Variants in SF3B1 observed in about 807,000 individuals in gnomAD.
The protein encoded by SF3B1 is splicing factor 3b subunit 1.
A neutral mutation model predicts 153.8 loss-of-function variants in SF3B1; 12 were observed. The observed-to-expected ratio is 0.08, with a 90% CI of 0.05 to 0.13. SF3B1 has a LOEUF of 0.13. SF3B1 is among the 10% of genes least tolerant of loss of function. The pLI is 1.00. For synonymous variants in SF3B1, 498 were observed against 525.2 expected, an observed-to-expected ratio of 0.95 and a Z score of 0.71; for missense variants, 513 against 1,606.1, an observed-to-expected ratio of 0.32 and a Z score of 11.63.
chr2:197,401,125 A>T lies in SF3B1; in HGVS notation c.2497-189T>A, dbSNP rs1049290096. On this transcript the variant is annotated intron_variant, in intron 17 of 24. Transcript: ENST00000335508. The surrounding 1 kb of genome is among the most constrained non-coding windows in gnomAD (Gnocchi z 4.2). ...CATCGAAAAATGAGTATAAGTTAAC[A>T]TGATTCAAGGTAAAACTGTGTCCAT... Among the ~76,000 whole-genome samples, 1 of 152,226 alleles carries T rather than the reference A, an allele frequency of 6.6e-6. No homozygotes were observed. The highest frequency in any genetic ancestry group is 2.1e-4 in the South Asian group (1 of 4,832).
intron 2 of SF3B1, among the ~76,000 whole-genome samples, chr2:197,422,591 TA>T (rs555057152): frequency 3.0e-4 from 45 of 150,278 alleles, no homozygotes; most frequent in Non-Finnish European, 4.7e-4. Context: ...ATCCAAAAAT[TA>T]AAAAAAAATA....
intron 2 of SF3B1, among the ~76,000 whole-genome samples, chr2:197,421,372 G>A (rs2085239569): frequency 1.3e-5 from 2 of 151,998 alleles, no homozygotes; most frequent in African/African-American, 2.4e-5. Context: ...TTCTATAGAC[G>A]TCAATTAAGA....
At position 197,420,556 on chromosome 2, in the gene SF3B1, T is replaced by A; in HGVS notation, c.301-14A>T. On this transcript the variant is annotated splice_polypyrimidine_tract_variant and intron_variant, in intron 3 of 24. Coordinates refer to ENST00000335508, the MANE Select transcript of SF3B1 (RefSeq NM_012433.4). ...AAATGGATCATACTGAAAAGAGGTA[T>A]GTCTCACTTAATATCCACTTTATTA... 1 of 1,511,750 alleles carries A rather than the reference T, an allele frequency of 6.6e-7. No individual in the cohort carries two copies. The highest frequency in any genetic ancestry group is 1.2e-5 in the South Asian group (1 of 83,774). The allele number at this position is 1,511,750 out of a possible 1,614,324, so 93.6% of individuals were successfully genotyped here.
intron 6 of SF3B1, among the ~76,000 whole-genome samples, chr2:197,414,701 A>G (rs1470861848): frequency 6.6e-6 from 1 of 152,198 alleles, no homozygotes; most frequent in Non-Finnish European, 1.5e-5. Context: ...GTAAGCAGGG[A>G]AAGCAAGTAC....
intron 1 of SF3B1, among the ~76,000 whole-genome samples, chr2:197,431,997 C>T (rs554104066): frequency 4.6e-5 from 7 of 152,170 alleles, no homozygotes; most frequent in South Asian, 2.1e-4. Flanking sequence ...TGGTAGCACA[C>T]GCCTGTAGTT....
intron 9 of SF3B1, among the ~76,000 whole-genome samples, chr2:197,406,774 C>CT (rs1196262395): frequency 6.6e-6 from 1 of 152,126 alleles, no homozygotes; most frequent in African/African-American, 2.4e-5. Context: ...AACAAATACT[C>CT]TAACACAAAT....
At chr2:197,398,673 T>C (rs2084903298) in intron 20 of SF3B1, 92 bp from the exon 21 acceptor site, 9 of 1,189,888 alleles carry the variant, frequency 7.6e-6, no homozygotes, top group Non-Finnish European at 1.1e-5. Context: ...TGACTATGTA[T>C]AAATATAAAC....
At chr2:197,411,024 A>G (rs1232355988) in intron 6 of SF3B1, among the ~76,000 whole-genome samples, 1 of 151,860 alleles carries the variant, frequency 6.6e-6, no homozygotes, top group African/African-American at 2.4e-5. Flanking sequence ...TGCAGTCTCC[A>G]CCTACCAAGC....
intron 1 of SF3B1, among the ~76,000 whole-genome samples, chr2:197,434,306 C>CAACT (rs1455535943): frequency 2.0e-5 from 3 of 152,182 alleles, no homozygotes; most frequent in African/African-American, 7.2e-5. Flanking sequence ...ATAAAACGAT[C>CAACT]AACTAGCTTG....
At chr2:197,393,651 C>A (rs1252030248) in intron 23 of SF3B1, among the ~76,000 whole-genome samples, 1 of 151,860 alleles carries the variant, frequency 6.6e-6, no homozygotes, top group African/African-American at 2.4e-5. Context: ...CAGGGTTTCA[C>A]CATGTTGGCC....
At chr2:197,428,713 G>A (rs1248773230) in intron 1 of SF3B1, among the ~76,000 whole-genome samples, 2 of 152,112 alleles carry the variant, frequency 1.3e-5, no homozygotes, top group Non-Finnish European at 2.9e-5. Context: ...GGCCAACATG[G>A]TGAAACCCTG....
chr2:197,406,741 G>A (rs1231359273), intron 9 of SF3B1, among the ~76,000 whole-genome samples: 1 of 152,094 alleles, frequency 6.6e-6, no homozygotes, highest in Admixed American at 6.6e-5. Flanking sequence ...AAAGCTTTAA[G>A]GCAAAACTTC....
intron 9 of SF3B1, among the ~76,000 whole-genome samples, chr2:197,406,524 A>G (rs2084995112): frequency 6.6e-6 from 1 of 152,190 alleles, no homozygotes; most frequent in Non-Finnish European, 1.5e-5. Context: ...ACTTGCCATT[A>G]AGGATTTAAA....
intron 20 of SF3B1, 65 bp downstream of exon 20, chr2:197,399,990 C>G (rs993481282): frequency 9.8e-6 from 11 of 1,117,246 alleles, no homozygotes; most frequent in Non-Finnish European, 1.3e-5. Flanking sequence ...ATTTTACTTA[C>G]GAAAAAAAAA....
intron 2 of SF3B1, among the ~76,000 whole-genome samples, chr2:197,422,837 C>T (rs1483177037): frequency 4.6e-5 from 7 of 151,678 alleles, no homozygotes; most frequent in African/African-American, 1.5e-4. Flanking sequence ...ATGCAGTAAG[C>T]CAAGATTGCA....
chr2:197,414,098 C>T (rs1455410506), intron 6 of SF3B1, among the ~76,000 whole-genome samples: 1 of 152,078 alleles, frequency 6.6e-6, no homozygotes, highest in African/African-American at 2.4e-5. Context: ...CTGAGCCACT[C>T]TGCCCAGCCC....
chr2:197,415,356 G>C (rs1053353033), intron 6 of SF3B1, among the ~76,000 whole-genome samples: 2 of 151,896 alleles, frequency 1.3e-5, no homozygotes, highest in African/African-American at 4.8e-5. Context: ...AGGTTCAAGT[G>C]ATTCTCCTGT....
chr2:197,421,659 T>C (rs751575513), intron 2 of SF3B1, among the ~76,000 whole-genome samples: 1 of 151,960 alleles, frequency 6.6e-6, no homozygotes, highest in African/African-American at 2.4e-5. Context: ...ATGGCTTGAG[T>C]GTAGGAGTTT....
At chr2:197,421,426 C>G (rs1329614284) in intron 2 of SF3B1, among the ~76,000 whole-genome samples, 1 of 152,116 alleles carries the variant, frequency 6.6e-6, no homozygotes, top group Non-Finnish European at 1.5e-5. Flanking sequence ...TTAATTTTTT[C>G]ACAGAAGACA....
Sources: gnomAD v4.1 joint callset for allele counts (sites outside exome capture counted in the v4.1 genomes callset) on GRCh38, gnomAD v4.1.1 for gene constraint, Gnocchi (gnomAD v3.1) non-coding constraint, MANE v1.5 for transcripts, NCBI Gene and HGNC (gene_info 2026-07-23, HGNC 2026-07-21) for gene names.